Variants in CNTN6 observed in about 807,000 individuals in gnomAD.
CNTN6 encodes the protein contactin-6.
CNTN6 carries 137 observed loss-of-function variants against 122.8 expected under a neutral mutation model. That is an observed-to-expected ratio of 1.12 (90% CI 0.97 to 1.29). The LOEUF is 1.29. Ranked by LOEUF, CNTN6 falls within the 50% of genes most tolerant of loss-of-function variation. CNTN6 has a pLI of 0.00. For synonymous variants in CNTN6, 570 were observed against 426.0 expected (o/e 1.34, Z -4.16); for missense variants, 1,634 against 1,223.4 (o/e 1.34, Z -5.01).
chr3:1,107,478 C>G (rs1022675660), intron 1 of CNTN6, among the ~76,000 whole-genome samples: 3 of 152,030 alleles, frequency 2.0e-5, no homozygotes, highest in African/African-American at 7.2e-5. Context: ...TTTTATTGCA[C>G]ATATTGTGAG....
Position 1,335,342 on chromosome 3 carries a change from G to C in CNTN6, c.1364+5407G>C, listed in dbSNP as rs191512875. On this transcript the variant is annotated intron_variant, in intron 11 of 22. Coordinates refer to ENST00000446702, the MANE Select transcript of CNTN6 (RefSeq NM_001289080.2). ...CCTCTGGCAGCCAAGGAACAACCACGGAAAATCAGGATGAATTACAGATTA... is the reference window on the plus strand; with the variant it reads ...CCTCTGGCAGCCAAGGAACAACCACCGAAAATCAGGATGAATTACAGATTA... 1.7e-3 allele frequency among the ~76,000 whole-genome samples: 259 copies of C among 152,256 alleles called. 1 individual carries two copies. Among genetic ancestry groups the C allele is most frequent in the African/African-American group, 6.0e-3 (251 of 41,568 alleles).
At chr3:1,350,789 G>T (rs918390092) in intron 11 of CNTN6, among the ~76,000 whole-genome samples, 1 of 151,794 alleles carries the variant, frequency 6.6e-6, no homozygotes, top group Non-Finnish European at 1.5e-5. Flanking sequence ...TCAGGTTTCT[G>T]TGTTGCTCAA....
chr3:1,097,075 T>C (rs1300548475), intron 1 of CNTN6, among the ~76,000 whole-genome samples: 2 of 152,196 alleles, frequency 1.3e-5, no homozygotes, highest in African/African-American at 4.8e-5. Flanking sequence ...TGAAAAGAGC[T>C]GTTCTAGTTA....
intron 2 of CNTN6, among the ~76,000 whole-genome samples, chr3:1,158,856 A>ATG (rs1559422370): frequency 4.3e-5 from 5 of 117,436 alleles, no homozygotes; most frequent in African/African-American, 1.7e-4. Flanking sequence ...ATACATACAT[A>ATG]TATATACACA....
intron 4 of CNTN6, among the ~76,000 whole-genome samples, chr3:1,243,103 G>C (rs1265421569): frequency 6.6e-6 from 1 of 151,206 alleles, no homozygotes; most frequent in African/African-American, 2.4e-5. Flanking sequence ...CTGGGAAGGA[G>C]TCAGTCAGAG....
intron 2 of CNTN6, among the ~76,000 whole-genome samples, chr3:1,188,210 A>G (rs959052031): frequency 1.3e-5 from 2 of 152,208 alleles, no homozygotes; most frequent in Non-Finnish European, 2.9e-5. Flanking sequence ...CTCAATGGCT[A>G]GTCTGCATCC....
rs560286413 is a variant in CNTN6, at chr3:1,131,284, C to G, written c.-82-16643C>G. 2.0e-5 allele frequency among the ~76,000 whole-genome samples: 3 copies of G among 152,148 alleles called. No homozygotes were observed. In the South Asian group the frequency reaches 6.2e-4, roughly 32 times the overall value. The stretch of plus-strand genomic sequence containing the variant: ...CATGACTAGTCACATAAAATCATGT[C>G]TTATACTCAGTTCTGGCCTGGAATG... On this transcript the variant is annotated intron_variant, in intron 1 of 22. Transcript: ENST00000446702.
chr3:1,390,093 T>G (rs1212648756), intron 20 of CNTN6, among the ~76,000 whole-genome samples: 1 of 151,666 alleles, frequency 6.6e-6, no homozygotes, highest in Non-Finnish European at 1.5e-5. Context: ...CCACCACAAA[T>G]CAACAGAATA....
chr3:1,389,439 T>A (rs1693749326), intron 20 of CNTN6, among the ~76,000 whole-genome samples: 1 of 151,964 alleles, frequency 6.6e-6, no homozygotes, highest in Non-Finnish European at 1.5e-5. Flanking sequence ...GAACAACCGG[T>A]ACCAGCCGCT....
chr3:1,345,871 C>T (rs1704609487), intron 11 of CNTN6, among the ~76,000 whole-genome samples: 1 of 151,996 alleles, frequency 6.6e-6, no homozygotes, highest in Non-Finnish European at 1.5e-5. Flanking sequence ...TGGTCTACAG[C>T]ATTATCTTTA....
chr3:1,295,853 A>T (rs1559740611), intron 6 of CNTN6, 49 bp downstream of exon 6: 1 of 1,532,314 alleles, frequency 6.5e-7, no homozygotes, highest in Admixed American at 1.8e-5. Context: ...TGGCCCTTAA[A>T]GCCTGGGAAG....
At chr3:1,317,885 G>C (rs7626975) in intron 7 of CNTN6, among the ~76,000 whole-genome samples, 13,350 of 133,048 alleles carry the variant, frequency 0.1, 667 homozygotes, top group Middle Eastern at 0.13. Context: ...TAAAAATGCA[G>C]GTTAAAAAAA....
intron 7 of CNTN6, among the ~76,000 whole-genome samples, chr3:1,306,785 G>C (rs986434220): frequency 2.6e-5 from 4 of 152,140 alleles, no homozygotes; most frequent in African/African-American, 9.7e-5. Flanking sequence ...AAGCTGCTTT[G>C]ACTGAGGAGG....
At chr3:1,128,476 A>G (rs539071406) in intron 1 of CNTN6, 2 of 152,098 alleles carry the variant, frequency 1.3e-5, no homozygotes, top group African/African-American at 4.8e-5. Flanking sequence ...CCACTCCACA[A>G]TTTGTCAAAG....
intron 5 of CNTN6, among the ~76,000 whole-genome samples, chr3:1,289,765 C>T (rs1694105333): frequency 6.6e-6 from 1 of 151,078 alleles, no homozygotes; most frequent in African/African-American, 2.4e-5. Context: ...AACTCCAACT[C>T]CCGGGTTCCC....
chr3:1,283,856 C>T (rs529419141), intron 5 of CNTN6, among the ~76,000 whole-genome samples: 4 of 151,978 alleles, frequency 2.6e-5, no homozygotes, highest in East Asian at 1.9e-4. Flanking sequence ...AAAAATTAGC[C>T]GGGTGTGGTG....
chr3:1,193,334 A>C (rs1055784862), intron 2 of CNTN6, among the ~76,000 whole-genome samples: 2 of 152,156 alleles, frequency 1.3e-5, no homozygotes, highest in African/African-American at 4.8e-5. Context: ...AAGAATATAG[A>C]CTGACATCAA....
At chr3:1,125,608 A>C (rs1311826087) in intron 1 of CNTN6, among the ~76,000 whole-genome samples, 8 of 151,830 alleles carry the variant, frequency 5.3e-5, no homozygotes, top group African/African-American at 1.9e-4. Context: ...TAGAAGAACT[A>C]GTTCTTGCTT....
At chr3:1,094,063 G>A (rs1038518441) in intron 1 of CNTN6, among the ~76,000 whole-genome samples, 6 of 152,156 alleles carry the variant, frequency 3.9e-5, no homozygotes, top group African/African-American at 1.4e-4. Flanking sequence ...GGAAAATGAG[G>A]TATTCATAAT....
Sources: gnomAD v4.1 joint callset for allele counts (sites outside exome capture counted in the v4.1 genomes callset) on GRCh38, gnomAD v4.1.1 for gene constraint, MANE v1.5 for transcripts, NCBI Gene and HGNC (gene_info 2026-07-23, HGNC 2026-07-21) for gene names.